Variants in ELAVL4 observed in about 807,000 individuals in gnomAD.
ELAVL4 encodes ELAV-like protein 4.
ELAVL4 carries 1 observed loss-of-function variant against 35.6 expected under a neutral mutation model. The ratio of observed to expected loss-of-function variants is 0.03; its 90% confidence interval spans 0.01 to 0.13. The LOEUF (loss-of-function observed/expected upper bound fraction) is 0.13. Ranked by LOEUF, ELAVL4 falls within the 10% of genes least tolerant of loss-of-function variation. The pLI is 1.00. For missense variants in ELAVL4, 267 were observed against 464.9 expected, an observed-to-expected ratio of 0.57 and a Z score of 3.91; for synonymous variants, 156 against 171.0, an observed-to-expected ratio of 0.91 and a Z score of 0.69.
intron 1 of ELAVL4, among the ~76,000 whole-genome samples, chr1:50,096,642 G>A (rs966760787): frequency 6.6e-6 from 1 of 151,948 alleles, no homozygotes; most frequent in African/African-American, 2.4e-5. Flanking sequence ...AATTGACCAC[G>A]TTTGACTGCT....
intron 1 of ELAVL4, among the ~76,000 whole-genome samples, chr1:50,068,799 A>G (rs1223937443): frequency 1.3e-5 from 2 of 152,208 alleles, no homozygotes; most frequent in Non-Finnish European, 2.9e-5. Context: ...AACATTTTCC[A>G]AAAAGAATGA....
intron 1 of ELAVL4, among the ~76,000 whole-genome samples, chr1:50,063,497 CA>C (rs1235508018): frequency 2.0e-5 from 3 of 152,118 alleles, no homozygotes; most frequent in Admixed American, 1.3e-4. Flanking sequence ...CCTCTATGGC[CA>C]CTGTCTCCAG....
At chr1:50,109,907 C>A in intron 1 of ELAVL4, 4 of 1,611,924 alleles carry the variant, frequency 2.5e-6, no homozygotes, top group Non-Finnish European at 2.5e-6. Flanking sequence ...GCTTTTGACA[C>A]ACTGTGTGAG....
In ELAVL4 at chr1:50,201,988, G is replaced by A. The variant is rs1031318249; in HGVS notation, c.*810G>A. The A allele has an allele frequency of 3.3e-5, 5 of 152,026 alleles. No individual in the cohort carries two copies. Among genetic ancestry groups the A allele is most frequent in the African/African-American group, 1.2e-4 (5 of 41,406 alleles). The allele number at this position is 152,026 out of a possible 1,614,324, so 9.4% of individuals were successfully genotyped here. ...AAAATATTTTGACTGGCTAATTTAG[G>A]GGAAATTGACAACTTTGTCGCGTTC... is the stretch of plus-strand genomic sequence containing the variant. On this transcript the variant is annotated 3_prime_UTR_variant, in exon 7 of 7. Coordinates refer to ENST00000371824, the MANE Select transcript of ELAVL4 (RefSeq NM_001144774.3). The surrounding 1 kb of genome is among the most constrained non-coding windows in gnomAD (Gnocchi z 4.3).
At chr1:50,158,108 G>A (rs569546851) in intron 2 of ELAVL4, among the ~76,000 whole-genome samples, 6 of 152,272 alleles carry the variant, frequency 3.9e-5, no homozygotes, top group African/African-American at 1.4e-4. Flanking sequence ...TTATAAAATA[G>A]TGATACTGAT....
chr1:50,056,224 T>C (rs1663661506), intron 1 of ELAVL4, among the ~76,000 whole-genome samples: 1 of 152,318 alleles, frequency 6.6e-6, no homozygotes, highest in East Asian at 1.9e-4. Flanking sequence ...TGGTGCATGA[T>C]GGTAATAATA....
intron 1 of ELAVL4, among the ~76,000 whole-genome samples, chr1:50,055,471 T>C (rs1057311460): frequency 2.0e-5 from 3 of 151,970 alleles, no homozygotes; most frequent in Non-Finnish European, 4.4e-5. Context: ...AGCTAATTTT[T>C]TGTATTTTTA....
At chr1:50,103,974 T>C, upstream of ELAVL4, 1 of 1,613,980 alleles carries the variant, frequency 6.2e-7, no homozygotes, top group Non-Finnish European at 8.5e-7. Context: ...CGACTGAAAA[T>C]GAGCCGGCTA....
chr1:50,073,221 A>G (rs546921434), intron 1 of ELAVL4, among the ~76,000 whole-genome samples: 2 of 152,292 alleles, frequency 1.3e-5, no homozygotes, highest in African/African-American at 2.4e-5. Flanking sequence ...AGTCCTTCAT[A>G]GTAAGTGGTG....
At chr1:50,159,022 A>G (rs1238696964) in intron 2 of ELAVL4, among the ~76,000 whole-genome samples, 3 of 148,666 alleles carry the variant, frequency 2.0e-5, no homozygotes, top group African/African-American at 7.5e-5. Context: ...CCTGGACGAC[A>G]GAGCAAGACT....
intron 2 of ELAVL4, among the ~76,000 whole-genome samples, chr1:50,146,597 G>T (rs1039968756): frequency 6.6e-6 from 1 of 152,038 alleles, no homozygotes; most frequent in Admixed American, 6.6e-5. Context: ...TCCAAATAGG[G>T]CCAGGCTTTG....
At chr1:50,051,284 A>G (rs1222343937) in intron 1 of ELAVL4, among the ~76,000 whole-genome samples, 1 of 152,194 alleles carries the variant, frequency 6.6e-6, no homozygotes, top group Admixed American at 6.5e-5. Flanking sequence ...TACTTCAGAC[A>G]TAGTTCTAAC....
Position 50,049,967 on chromosome 1 carries a change from T to G in ELAVL4, c.18+1785T>G, listed in dbSNP as rs138429756. ...GAGCTGGTGGCCTTACTAATTCCTCTACTTACTGTGTGCTTTGGGTTGACA... is the reference window on the plus strand; with the variant it reads ...GAGCTGGTGGCCTTACTAATTCCTCGACTTACTGTGTGCTTTGGGTTGACA... On this transcript the variant is annotated intron_variant, in intron 1 of 6. Coordinates refer to the ELAVL4 transcript ENST00000448907. Among the ~76,000 whole-genome samples the G allele has an allele frequency of 9.9e-4, 151 of 152,352 alleles. 2 individuals carry two copies. The East Asian group carries it at 0.023, about 23-fold the overall frequency.
intron 1 of ELAVL4, among the ~76,000 whole-genome samples, chr1:50,063,466 T>C (rs567536311): frequency 6.6e-6 from 1 of 152,310 alleles, no homozygotes; most frequent in East Asian, 1.9e-4. Context: ...CATGTTATAT[T>C]ACCTGATGGT....
At chr1:50,162,849 G>A (rs557824814) in intron 2 of ELAVL4, among the ~76,000 whole-genome samples, 1 of 151,820 alleles carries the variant, frequency 6.6e-6, no homozygotes, top group Non-Finnish European at 1.5e-5. Context: ...CTCCCAAAGT[G>A]CCAGGATTAC....
intron 1 of ELAVL4, among the ~76,000 whole-genome samples, chr1:50,116,141 T>C (rs1667904213): frequency 6.6e-6 from 1 of 152,126 alleles, no homozygotes; most frequent in Admixed American, 6.6e-5. Flanking sequence ...GGAAGAAATA[T>C]AGAAGTTTGG....
chr1:50,102,461 TCTC>T (rs1666039668), upstream of ELAVL4, among the ~76,000 whole-genome samples: 1 of 151,782 alleles, frequency 6.6e-6, no homozygotes, highest in African/African-American at 2.4e-5. Flanking sequence ...CTTCCTTCTT[TCTC>T]CTCCTCCTCC....
At position 50,109,016 on chromosome 1, in the gene ELAVL4, C is replaced by CGGGGGGGCGGG; in HGVS notation, c.-174_-173insGGGGGGGCGGG. The CGGGGGGGCGGG allele has an allele frequency of 2.2e-6, 2 of 905,766 alleles. No individual in the cohort carries two copies. Among genetic ancestry groups the CGGGGGGGCGGG allele is most frequent in the Non-Finnish European group, 2.6e-6 (2 of 761,382 alleles). The allele number at this position is 905,766 out of a possible 1,614,324, so 56.1% of individuals were successfully genotyped here. Reference sequence around the variant, plus strand: ...CTCCTTTTCTTTTTTTTCTTTCTCTCCCCCGCCCACCCCCCCAAAAATAAT... The same window carrying CGGGGGGGCGGG: ...CTCCTTTTCTTTTTTTTCTTTCTCTCGGGGGGGCGGGCCCCGCCCACCCCCCCAAAAATAAT... On this transcript the variant is annotated 5_prime_UTR_variant, in exon 1 of 7. Transcript: ENST00000371824.
chr1:50,127,062 A>G (rs1335025851), intron 1 of ELAVL4, among the ~76,000 whole-genome samples: 1 of 152,120 alleles, frequency 6.6e-6, no homozygotes, highest in African/African-American at 2.4e-5. Flanking sequence ...AAAGCATTTT[A>G]AAATAAAGAG....
Sources: gnomAD v4.1 joint callset for allele counts (sites outside exome capture counted in the v4.1 genomes callset) on GRCh38, gnomAD v4.1.1 for gene constraint, Gnocchi (gnomAD v3.1) non-coding constraint, MANE v1.5 for transcripts, NCBI Gene and HGNC (gene_info 2026-07-23, HGNC 2026-07-21) for gene names.